NRXN3: variants seen among roughly 807,000 people sequenced by gnomAD.
NRXN3 encodes neurexin 3.
In NRXN3, 32 loss-of-function variants were observed where a neutral mutation model predicts 137.6. The observed-to-expected ratio is 0.23, with a 90% CI of 0.18 to 0.31. The LOEUF (loss-of-function observed/expected upper bound fraction) is 0.31. Among genes scored for constraint, NRXN3 ranks in the 10% least tolerant of loss-of-function variants. NRXN3 has a pLI of 1.00. For synonymous variants in NRXN3, 798 were observed against 784.5 expected, an observed-to-expected ratio of 1.02 and a Z score of -0.29; for missense variants, 1,574 against 2,062.5, an observed-to-expected ratio of 0.76 and a Z score of 4.59.
intron 15 of NRXN3, among the ~76,000 whole-genome samples, chr14:79,437,407 G>A (rs1443440035): frequency 3.3e-5 from 5 of 149,776 alleles, no homozygotes; most frequent in Non-Finnish European, 7.4e-5. Flanking sequence ...ATCCTGAAAT[G>A]TGCGTTCTAA....
chr14:79,113,101 A>G (rs566243562), intron 15 of NRXN3, among the ~76,000 whole-genome samples: 45 of 152,296 alleles, frequency 3.0e-4, no homozygotes, highest in African/African-American at 1.0e-3. Flanking sequence ...GTTTAGCACC[A>G]TTCCTATCTT....
intron 4 of NRXN3, among the ~76,000 whole-genome samples, chr14:78,631,174 T>A (rs138798133): frequency 3.3e-5 from 5 of 152,322 alleles, no homozygotes; most frequent in African/African-American, 1.2e-4. Context: ...CTCTTAGATC[T>A]CAACTTCTAT....
At chr14:78,405,961 G>A (rs2092457814) in intron 4 of NRXN3, among the ~76,000 whole-genome samples, 1 of 152,090 alleles carries the variant, frequency 6.6e-6, no homozygotes, top group Non-Finnish European at 1.5e-5. Flanking sequence ...TCACAAATGA[G>A]GAAACCGAGA....
At chr14:79,382,098 G>C (rs938789864) in intron 15 of NRXN3, among the ~76,000 whole-genome samples, 2 of 152,106 alleles carry the variant, frequency 1.3e-5, no homozygotes, top group African/African-American at 4.8e-5. Flanking sequence ...CTGCAAAATG[G>C]AACAATAGAA....
At chr14:79,769,140 C>T (rs1370315226) in intron 19 of NRXN3, among the ~76,000 whole-genome samples, 4 of 149,598 alleles carry the variant, frequency 2.7e-5, no homozygotes, top group Non-Finnish European at 6.0e-5. Context: ...ACCAAATCTA[C>T]GTCTGATTGG....
intron 20 of NRXN3, among the ~76,000 whole-genome samples, chr14:79,809,750 A>G (rs1165712586): frequency 6.6e-6 from 1 of 152,216 alleles, no homozygotes; most frequent in Non-Finnish European, 1.5e-5. Flanking sequence ...CTTTGCATAT[A>G]AACTGTTTCA....
chr14:78,582,503 A>G (rs533487571), intron 4 of NRXN3, among the ~76,000 whole-genome samples: 1 of 152,338 alleles, frequency 6.6e-6, no homozygotes, highest in East Asian at 1.9e-4. Context: ...TTAAGAGGTG[A>G]TTAGGCCACA....
chr14:79,161,436 A>G (rs1471942922), intron 15 of NRXN3, among the ~76,000 whole-genome samples: 1 of 151,964 alleles, frequency 6.6e-6, no homozygotes, highest in Non-Finnish European at 1.5e-5. Flanking sequence ...GATTGCTTCA[A>G]TCAACATTCT....
intron 15 of NRXN3, among the ~76,000 whole-genome samples, chr14:79,332,051 TC>T: frequency 6.6e-6 from 1 of 152,338 alleles, no homozygotes; most frequent in African/African-American, 2.4e-5. Flanking sequence ...TTTTGTTAGC[TC>T]TCAGCATGGT....
chr14:79,710,910 T>C (rs1418566231), intron 19 of NRXN3, among the ~76,000 whole-genome samples: 2 of 152,244 alleles, frequency 1.3e-5, no homozygotes, highest in East Asian at 3.8e-4. Context: ...GGTACTGTTC[T>C]TAAATATTTT....
intron 10 of NRXN3, among the ~76,000 whole-genome samples, chr14:78,901,631 A>G (rs976375793): frequency 6.6e-6 from 1 of 151,960 alleles, no homozygotes; most frequent in Non-Finnish European, 1.5e-5. Context: ...CCCTTCTATA[A>G]TACCTCACAT....
intron 16 of NRXN3, among the ~76,000 whole-genome samples, chr14:79,472,978 T>G (rs2096527979): frequency 6.6e-6 from 1 of 152,218 alleles, no homozygotes; most frequent in Non-Finnish European, 1.5e-5. Flanking sequence ...TTTCTTTCTC[T>G]CTGTATGTAA....
chr14:78,573,761 C>T (rs141057960), intron 4 of NRXN3, among the ~76,000 whole-genome samples: 85 of 152,194 alleles, frequency 5.6e-4, no homozygotes, highest in African/African-American at 1.9e-3. Flanking sequence ...TGCAGCCTGA[C>T]GATGCGATAG....
chr14:79,308,672 G>A (rs1471131275), intron 15 of NRXN3, among the ~76,000 whole-genome samples: 1 of 151,872 alleles, frequency 6.6e-6, no homozygotes, highest in African/African-American at 2.4e-5. Context: ...CTTGTGGAAT[G>A]GTCTGAGAAC....
intron 1 of NRXN3, among the ~76,000 whole-genome samples, chr14:78,201,906 C>T (rs533434603): frequency 6.6e-6 from 1 of 152,332 alleles, no homozygotes; most frequent in East Asian, 1.9e-4. Flanking sequence ...GTGCGATGAG[C>T]CTGCACCATT....
At chr14:78,862,341 G>C (rs72685461) in intron 10 of NRXN3, among the ~76,000 whole-genome samples, 2 of 152,042 alleles carry the variant, frequency 1.3e-5, no homozygotes, top group East Asian at 3.9e-4. Context: ...AGATTGACTA[G>C]TAGAGAGTGG....
intron 10 of NRXN3, among the ~76,000 whole-genome samples, chr14:78,867,494 C>G (rs1376286450): frequency 6.6e-6 from 1 of 152,140 alleles, no homozygotes; most frequent in Non-Finnish European, 1.5e-5. Context: ...TCAGAACACA[C>G]TGACTCAAAA....
chr14:79,049,084 TAA>T (rs1412015581), intron 15 of NRXN3, among the ~76,000 whole-genome samples: 13 of 49,182 alleles, frequency 2.6e-4, no homozygotes, highest in African/African-American at 4.3e-4. Flanking sequence ...ATAATAATAA[TAA>T]TAATAATAAT....
chr14:79,507,952 G>A (rs11849345), intron 16 of NRXN3, among the ~76,000 whole-genome samples: 2 of 151,886 alleles, frequency 1.3e-5, no homozygotes, highest in Non-Finnish European at 2.9e-5. Flanking sequence ...CTACATCAGA[G>A]ACTTCTGTGT....
Sources: gnomAD v4.1 joint callset for allele counts (sites outside exome capture counted in the v4.1 genomes callset) on GRCh38, gnomAD v4.1.1 for gene constraint, MANE v1.5 for transcripts, NCBI Gene and HGNC (gene_info 2026-07-23, HGNC 2026-07-21) for gene names.